The following SYT1 variants were observed in gnomAD, a reference collection of about 807,000 sequenced individuals.
SYT1 encodes the protein synaptotagmin-1.
Under a neutral mutation model 44.8 loss-of-function variants are expected in SYT1, and 8 were observed. That is an observed-to-expected ratio of 0.18 (90% CI 0.10 to 0.32). The LOEUF is 0.32. Ranked by LOEUF, SYT1 falls within the 10% of genes least tolerant of loss-of-function variation. The pLI is 1.00. For synonymous variants in SYT1, 154 were observed against 188.8 expected, an observed-to-expected ratio of 0.82 and a Z score of 1.51; for missense variants, 286 against 509.3, an observed-to-expected ratio of 0.56 and a Z score of 4.22.
chr12:79,105,455 C>T lies in SYT1; in HGVS notation c.-18+58093C>T, dbSNP rs577942184. On this transcript the variant is annotated intron_variant, in intron 3 of 10. Coordinates refer to ENST00000261205, the MANE Select transcript of SYT1 (RefSeq NM_005639.3). Reference sequence around the variant, plus strand: ...AACTAGAGTTAAGCAGAATATGAAACATCAGACTATTTCATAATCAGGAGA... The same window carrying T: ...AACTAGAGTTAAGCAGAATATGAAATATCAGACTATTTCATAATCAGGAGA... 4.6e-5 allele frequency among the ~76,000 whole-genome samples: 7 copies of T among 152,312 alleles called. No homozygotes were observed. In the East Asian group the frequency reaches 1.2e-3, roughly 25 times the overall value.
chr12:79,076,895 C>T (rs1876694902), intron 3 of SYT1, among the ~76,000 whole-genome samples: 1 of 152,158 alleles, frequency 6.6e-6, no homozygotes, highest in Admixed American at 6.5e-5. Flanking sequence ...TCATTGCAGA[C>T]TTCCATGCCT....
chr12:79,230,907 T>C lies in SYT1; in HGVS notation c.166+13222T>C, dbSNP rs150949972. 2.6e-3 allele frequency among the ~76,000 whole-genome samples: 396 copies of C among 152,338 alleles called. 1 individual carries two copies. The highest frequency in any genetic ancestry group is 2.9e-3 in the Admixed American group (44 of 15,302). On this transcript the variant is annotated intron_variant, in intron 4 of 10. Transcript: ENST00000261205. ...ACCTATATCCAAAATAATTCAGGAA[T>C]TACTTTGCTGAAACACCATACGAAT...
intron 2 of SYT1, among the ~76,000 whole-genome samples, chr12:78,980,937 G>C (rs910239864): frequency 1.3e-5 from 2 of 151,952 alleles, no homozygotes; most frequent in Non-Finnish European, 2.9e-5. Flanking sequence ...GAGATGGAGG[G>C]GAGAGATGCT....
intron 3 of SYT1, among the ~76,000 whole-genome samples, chr12:79,202,436 G>A (rs188869722): frequency 9.9e-5 from 15 of 152,208 alleles, no homozygotes; most frequent in East Asian, 9.7e-4. Flanking sequence ...GTGAAAATTC[G>A]CCATGGACAT....
At position 79,241,722 on chromosome 12, in the gene SYT1, G is replaced by A. The variant is rs116239464; in HGVS notation, c.166+24037G>A. Among the ~76,000 whole-genome samples the A allele has an allele frequency of 4.2e-3, 633 of 152,340 alleles. 3 individuals are homozygous for A. The highest frequency in any genetic ancestry group is 0.014 in the African/African-American group (597 of 41,588). ...TTTTTTAAACTCAAAAGTAGATAATGTGTGCTGTGGGTCGAATCATGTGCC... is the reference window on the plus strand; with the variant it reads ...TTTTTTAAACTCAAAAGTAGATAATATGTGCTGTGGGTCGAATCATGTGCC... On this transcript the variant is annotated intron_variant, in intron 4 of 10. Coordinates refer to ENST00000261205, the MANE Select transcript of SYT1 (RefSeq NM_005639.3).
At chr12:79,278,580 C>T (rs1418618099) in intron 4 of SYT1, among the ~76,000 whole-genome samples, 1 of 151,988 alleles carries the variant, frequency 6.6e-6, no homozygotes, top group Non-Finnish European at 1.5e-5. Context: ...TCACAATTGA[C>T]AAGCTAATGT....
chr12:79,236,848 G>C (rs564229812), intron 4 of SYT1, among the ~76,000 whole-genome samples: 1 of 152,346 alleles, frequency 6.6e-6, no homozygotes, highest in Non-Finnish European at 1.5e-5. Context: ...AAACTTGTGA[G>C]AGACGTGTAG....
chr12:79,186,958 G>T (rs1872837351), intron 3 of SYT1, among the ~76,000 whole-genome samples: 1 of 151,560 alleles, frequency 6.6e-6, no homozygotes, highest in Admixed American at 6.6e-5. Context: ...AATCTAATCT[G>T]GTATTATTTA....
At chr12:79,330,976 C>T (rs80288950) in intron 8 of SYT1, among the ~76,000 whole-genome samples, 1,939 of 152,226 alleles carry the variant, frequency 0.013, 38 homozygotes, top group African/African-American at 0.043. Flanking sequence ...AACTTCCAGT[C>T]CATTTTCGTT....
At chr12:79,245,517 A>T (rs997368827) in intron 4 of SYT1, among the ~76,000 whole-genome samples, 2 of 151,070 alleles carry the variant, frequency 1.3e-5, no homozygotes, top group African/African-American at 2.4e-5. Flanking sequence ...AAAAAACTTC[A>T]TTATGTATGT....
intron 1 of SYT1, among the ~76,000 whole-genome samples, chr12:78,959,163 T>C (rs78021683): frequency 0.032 from 4,864 of 152,224 alleles, 237 homozygotes; most frequent in African/African-American, 0.11. Context: ...GCTACCTGCT[T>C]ACCTCACAGT....
intron 9 of SYT1, among the ~76,000 whole-genome samples, chr12:79,379,524 C>T (rs1565933335): frequency 6.6e-6 from 1 of 152,098 alleles, no homozygotes; most frequent in Non-Finnish European, 1.5e-5. Flanking sequence ...ATGAAGCCTC[C>T]CGGTATTTTA....
At chr12:79,198,691 A>T (rs77314449) in intron 3 of SYT1, among the ~76,000 whole-genome samples, 2,261 of 152,286 alleles carry the variant, frequency 0.015, 40 homozygotes, top group African/African-American at 0.045. Context: ...ATGCCTATGG[A>T]TGGAAGTGTC....
At chr12:79,157,788 A>T (rs1292660745) in intron 3 of SYT1, among the ~76,000 whole-genome samples, 1 of 152,202 alleles carries the variant, frequency 6.6e-6, no homozygotes, top group Non-Finnish European at 1.5e-5. Context: ...TGATTTAAGT[A>T]TATTAACCCA....
intron 3 of SYT1, among the ~76,000 whole-genome samples, chr12:79,166,402 T>C (rs1871225010): frequency 6.6e-6 from 1 of 151,990 alleles, no homozygotes; most frequent in African/African-American, 2.4e-5. Context: ...ACAATAATAT[T>C]GGTCTCTTCA....
chr12:79,200,640 A>G (rs775360120), intron 3 of SYT1, among the ~76,000 whole-genome samples: 11 of 152,190 alleles, frequency 7.2e-5, no homozygotes, highest in Admixed American at 1.3e-4. Flanking sequence ...CCAGGCACTT[A>G]GAAGGAAAGT....
chr12:79,310,610 T>C (rs1172823629), intron 8 of SYT1, among the ~76,000 whole-genome samples: 1 of 152,210 alleles, frequency 6.6e-6, no homozygotes, highest in African/African-American at 2.4e-5. Context: ...TTGGGCAGTA[T>C]GGCCATTTTC....
At chr12:78,997,894 C>T (rs141872137) in intron 2 of SYT1, among the ~76,000 whole-genome samples, 3 of 152,230 alleles carry the variant, frequency 2.0e-5, no homozygotes, top group African/African-American at 7.2e-5. Context: ...CACAGTCACC[C>T]CATCTTTCTC....
chr12:79,020,310 T>G (rs1227042525), intron 2 of SYT1, among the ~76,000 whole-genome samples: 2 of 151,986 alleles, frequency 1.3e-5, no homozygotes, highest in African/African-American at 4.8e-5. Flanking sequence ...GTTAACATTA[T>G]GTTGCTGCAA....
Sources: gnomAD v4.1 joint callset for allele counts (sites outside exome capture counted in the v4.1 genomes callset) on GRCh38, gnomAD v4.1.1 for gene constraint, MANE v1.5 for transcripts, NCBI Gene and HGNC (gene_info 2026-07-23, HGNC 2026-07-21) for gene names.